PROS1: variants seen among roughly 807,000 people sequenced by gnomAD.
The protein encoded by PROS1 is protein S, also known as vitamin K-dependent protein S.
In PROS1, 29 loss-of-function variants were observed where a neutral mutation model predicts 75.9. The observed-to-expected ratio is 0.38, with a 90% CI of 0.28 to 0.52. PROS1 has a LOEUF of 0.52. Ranked by LOEUF, PROS1 falls within the 20% of genes least tolerant of loss-of-function variation. PROS1 has a pLI of 0.83. For missense variants in PROS1, 680 were observed against 810.3 expected (o/e 0.84, Z 1.95); for synonymous variants, 245 against 280.6 (o/e 0.87, Z 1.27).
chr3:93,930,974 G>A (rs1156888324), intron 1 of PROS1, among the ~76,000 whole-genome samples: 6 of 152,084 alleles, frequency 3.9e-5, no homozygotes, highest in African/African-American at 4.8e-5. Context: ...TGTCCTACAG[G>A]AAAATTAAGC....
At chr3:93,912,057 G>A (rs1233426369) in intron 3 of PROS1, among the ~76,000 whole-genome samples, 2 of 152,184 alleles carry the variant, frequency 1.3e-5, no homozygotes, top group Non-Finnish European at 2.9e-5. Flanking sequence ...CACAAATTTA[G>A]TAGCTTTAAA....
chr3:93,879,970 C>A (rs1367965550), intron 12 of PROS1, among the ~76,000 whole-genome samples: 1 of 152,150 alleles, frequency 6.6e-6, no homozygotes, highest in African/African-American at 2.4e-5. Context: ...AGCACTCACT[C>A]AATAGATATT....
At chr3:93,968,138 C>T (rs1212404034) in intron 1 of PROS1, 1 of 152,150 alleles carries the variant, frequency 6.6e-6, no homozygotes, top group Non-Finnish European at 1.5e-5. Context: ...TGGCTGACCC[C>T]AAAAGATGCT....
At chr3:93,903,858 A>G (rs1174756184) in intron 6 of PROS1, among the ~76,000 whole-genome samples, 1 of 151,552 alleles carries the variant, frequency 6.6e-6, no homozygotes, top group Non-Finnish European at 1.5e-5. Flanking sequence ...GTACATGTGC[A>G]CATTGTGCAG....
chr3:93,879,310 A>T lies in PROS1; in HGVS notation c.1497T>A (p.Asn499Lys). The part of the protein sequence containing the change: ...GIAQFHIDYN[N>K]VSSAEGWHVN... ...CATGCCAACCCTCAGCACTGGATACATTATCTATTTAAAATAATGAAACAG... is the reference window on the plus strand; with the variant it reads ...CATGCCAACCCTCAGCACTGGATACTTTATCTATTTAAAATAATGAAACAG... The change falls in exon 13 of 15, where the codon AAT becomes AAA. Residue 499 changes from asparagine to lysine, a missense_variant. Coordinates refer to ENST00000394236, the MANE Select transcript of PROS1 (RefSeq NM_000313.4). 1.2e-6 allele frequency: 2 copies of T among 1,613,948 alleles called. No homozygotes were observed. The highest frequency in any genetic ancestry group is 1.7e-6 in the Non-Finnish European group (2 of 1,179,830).
chr3:93,948,096 C>T (rs1181331232), intron 1 of PROS1, among the ~76,000 whole-genome samples: 1 of 152,114 alleles, frequency 6.6e-6, no homozygotes, highest in Non-Finnish European at 1.5e-5. Context: ...TTACTTAGGA[C>T]TTTCTTCAAA....
Position 93,952,229 on chromosome 3 carries a change from T to C in PROS1, c.76+21445A>G, listed in dbSNP as rs187172167. Among the ~76,000 whole-genome samples, 373 of 152,308 alleles carry C rather than the reference T, an allele frequency of 2.4e-3. 2 individuals are homozygous for C. Among genetic ancestry groups the C allele is most frequent in the African/African-American group, 8.4e-3 (351 of 41,576 alleles). The stretch of plus-strand genomic sequence containing the variant: ...AACTCAGCTCTGCACCAAGAGGACC[T>C]AATAGACATCCACAGAACTCTCCAC... On this transcript the variant is annotated intron_variant, in intron 1 of 14. Coordinates refer to ENST00000394236, the MANE Select transcript of PROS1 (RefSeq NM_000313.4).
At chr3:93,934,375 G>A (rs146326258) in intron 1 of PROS1, among the ~76,000 whole-genome samples, 50 of 152,300 alleles carry the variant, frequency 3.3e-4, no homozygotes, top group African/African-American at 1.0e-3. Flanking sequence ...AAGGTTGCCA[G>A]GATTAAGGAA....
chr3:93,890,676 T>C (rs1470977357), intron 10 of PROS1, among the ~76,000 whole-genome samples: 3 of 152,334 alleles, frequency 2.0e-5, no homozygotes, highest in Middle Eastern at 3.4e-3. Context: ...TTCCCCGATA[T>C]GCTATAGTTC....
chr3:93,928,573 G>A (rs1160663547), intron 1 of PROS1: 2 of 256,774 alleles, frequency 7.8e-6, no homozygotes, highest in South Asian at 4.7e-5. Context: ...TTTAAAGCAA[G>A]AGTAATAAAC....
intron 9 of PROS1, among the ~76,000 whole-genome samples, chr3:93,893,831 G>A (rs1708465724): frequency 6.6e-6 from 1 of 152,160 alleles, no homozygotes; most frequent in East Asian, 1.9e-4. Context: ...AAAAGACATA[G>A]TCTACCCATG....
chr3:93,927,478 A>ATATTTT, intron 1 of PROS1, 71 bp from the exon 2 acceptor site: 1 of 1,485,222 alleles, frequency 6.7e-7, no homozygotes, highest in Non-Finnish European at 9.2e-7. Flanking sequence ...ATTAAACAAT[A>ATATTTT]AGAGTTAAAA....
At chr3:93,905,716 T>C in intron 6 of PROS1, 68 bp downstream of exon 6, 1 of 1,555,094 alleles carries the variant, frequency 6.4e-7, no homozygotes, top group Non-Finnish European at 8.8e-7. Context: ...AATTTGCTAG[T>C]AAAATTTCTC....
intron 7 of PROS1, among the ~76,000 whole-genome samples, chr3:93,900,119 A>G (rs1708568091): frequency 1.3e-5 from 2 of 152,332 alleles, no homozygotes; most frequent in South Asian, 2.1e-4. Context: ...GATAATCTGT[A>G]TATCATAATA....
At chr3:93,935,936 T>C (rs1308084154) in intron 1 of PROS1, among the ~76,000 whole-genome samples, 2 of 129,674 alleles carry the variant, frequency 1.5e-5, no homozygotes, top group Non-Finnish European at 3.3e-5. Context: ...GCAGTTAACA[T>C]AGAAACTCAA....
chr3:93,917,060 G>T (rs1708865786), intron 3 of PROS1, among the ~76,000 whole-genome samples: 1 of 152,164 alleles, frequency 6.6e-6, no homozygotes, highest in Admixed American at 6.5e-5. Flanking sequence ...TCACATAAAA[G>T]GCTGAATGTT....
intron 1 of PROS1, among the ~76,000 whole-genome samples, chr3:93,952,389 C>A (rs1228007376): frequency 3.3e-5 from 5 of 152,152 alleles, no homozygotes; most frequent in Admixed American, 2.6e-4. Flanking sequence ...TCTCAGACCA[C>A]AGTGCAATCA....
chr3:93,902,990 C>T (rs966247292), intron 6 of PROS1, among the ~76,000 whole-genome samples: 4 of 151,854 alleles, frequency 2.6e-5, no homozygotes, highest in Admixed American at 6.6e-5. Context: ...CCTCAGCCTC[C>T]GGAGTAGCTG....
intron 13 of PROS1, among the ~76,000 whole-genome samples, chr3:93,877,618 A>G (rs1708211125): frequency 6.6e-6 from 1 of 152,200 alleles, no homozygotes; most frequent in South Asian, 2.1e-4. Context: ...CAGGACTAAC[A>G]GGTTTCTTTG....
Sources: gnomAD v4.1 joint callset for allele counts (sites outside exome capture counted in the v4.1 genomes callset) on GRCh38, gnomAD v4.1.1 for gene constraint, MANE v1.5 for transcripts, NCBI Gene and HGNC (gene_info 2026-07-23, HGNC 2026-07-21) for gene names.